EIF3G: variants seen among roughly 807,000 people sequenced by gnomAD.
EIF3G encodes eukaryotic translation initiation factor 3 subunit G.
In EIF3G, 10 loss-of-function variants were observed where a neutral mutation model predicts 41.7. That is an observed-to-expected ratio of 0.24 (90% CI 0.15 to 0.41). The LOEUF (loss-of-function observed/expected upper bound fraction) is 0.41. Ranked by LOEUF, EIF3G falls within the 10% of genes least tolerant of loss-of-function variation. EIF3G has a pLI of 1.00. For synonymous variants in EIF3G, 204 were observed against 172.5 expected (o/e 1.18, Z -1.43); for missense variants, 297 against 444.0 (o/e 0.67, Z 2.98).
At chr19:10,118,845 C>G in intron 4 of EIF3G, 23 bp downstream of exon 4, 1 of 1,611,522 alleles carries the variant, frequency 6.2e-7, no homozygotes, top group Non-Finnish European at 8.5e-7. Flanking sequence ...AGGGTCCCCA[C>G]TCCCTGCACC....
intron 8 of EIF3G, 28 bp from the exon 9 acceptor site, chr19:10,115,848 AG>A (rs751953776): frequency 3.7e-6 from 6 of 1,606,694 alleles, no homozygotes; most frequent in Non-Finnish European, 5.1e-6. Flanking sequence ...GGTGGCTGTG[AG>A]GGGGAGGACA....
intron 5 of EIF3G, 91 bp downstream of exon 5, chr19:10,118,577 A>C: frequency 2.2e-6 from 3 of 1,368,852 alleles, no homozygotes; most frequent in Non-Finnish European, 3.1e-6. Flanking sequence ...AAAAAAAAAA[A>C]AAAAAGAGTT....
In EIF3G at chr19:10,119,107, C is replaced by T. The variant is rs1240364317; in HGVS notation, c.132G>A (p.Glu44=). ...ACTCACCTCCCGGCAGTAGCTCTGG[C>T]TCTGGGCTGGTGTCACCTGTGGCCA... ...IPLATGDTSP[E]PELLPGAPLP... Residue 44 remains glutamate, a synonymous_variant, in exon 3 of 11, where the codon GAG becomes GAA. Transcript: ENST00000253108. 2 of 1,601,096 alleles carry T rather than the reference C, an allele frequency of 1.2e-6. No homozygotes were observed. The highest frequency in any genetic ancestry group is 1.7e-5 in the Admixed American group (1 of 57,898).
rs530986361 is a variant in EIF3G at position 10,115,628 on chromosome 19, C to T, written c.841-43G>A. On this transcript the variant is annotated intron_variant, in intron 9 of 10. Coordinates refer to ENST00000253108, the MANE Select transcript of EIF3G (RefSeq NM_003755.5). ...GGGGTCGGGCACGAGCTAGGACAGG[C>T]GACCCTAGGACAAGTGACCCTCACA... The T allele has an allele frequency of 7.3e-5, 117 of 1,611,754 alleles. 1 individual carries two copies. The South Asian group carries it at 1.1e-3, about 15-fold the overall frequency.
At chr19:10,119,258 A>G in intron 2 of EIF3G, 87 bp from the exon 3 acceptor site, 1 of 1,425,232 alleles carries the variant, frequency 7.0e-7, no homozygotes, top group South Asian at 1.2e-5. Context: ...GATGACGCCT[A>G]CAGCAAAAGC....
At chr19:10,119,492 G>A (rs755980877) in intron 2 of EIF3G, 162 bp downstream of exon 2, 9 of 928,878 alleles carry the variant, frequency 9.7e-6, no homozygotes, top group African/African-American at 1.6e-5. Context: ...GGACCCGCCG[G>A]GGAACACCTG....
chr19:10,115,203 T>TG lies in EIF3G; in HGVS notation c.948-75dup, dbSNP rs1599324152. ...GACCCCAGACACCCAAGTGGCATCT[T>TG]GGGGGTGGGTGGGCAGAGGACGGGG... On this transcript the variant is annotated intron_variant, in intron 10 of 10. Transcript: ENST00000253108. 2.6e-5 allele frequency: 40 copies of TG among 1,565,680 alleles called. 1 individual carries two copies. The South Asian group carries it at 4.6e-4, about 18-fold the overall frequency.
intron 5 of EIF3G, chr19:10,118,242 C>T (rs2089275846): frequency 1.0e-5 from 2 of 195,724 alleles, no homozygotes; most frequent in South Asian, 1.6e-4. Context: ...CACCCCAGGC[C>T]TCAGTTCAGC....
In EIF3G at chr19:10,115,969, C is replaced by T. The variant is rs1423685248; in HGVS notation, c.701G>A (p.Arg234Lys). Reference sequence around the variant, plus strand: ...CCTGGCGTCGGGGTGCCCCTCACCTCTGCGGTTGGGCTGCATGGACTCCCC... The same window carrying T: ...CCTGGCGTCGGGGTGCCCCTCACCTTTGCGGTTGGGCTGCATGGACTCCCC... ...RRGESMQPNR[R>K]ADDNATIRVT... The change falls in exon 8 of 11, where the codon AGA (arginine) becomes AAA (lysine). Residue 234 changes from arginine (R) to lysine (K), a missense_variant and splice_region_variant. Transcript: ENST00000253108. 1.2e-6 allele frequency: 2 copies of T among 1,613,292 alleles called. No homozygotes were observed. The highest frequency in any genetic ancestry group is 1.3e-5 in the African/African-American group (1 of 75,048).
At chr19:10,119,246 G>C in intron 2 of EIF3G, 75 bp from the exon 3 acceptor site, 1 of 1,471,458 alleles carries the variant, frequency 6.8e-7, no homozygotes, top group Non-Finnish European at 9.3e-7. Flanking sequence ...AAGGGCTTTT[G>C]GGATGACGCC....
rs1239944760 is a variant in EIF3G, at chr19:10,119,743, G to C, written c.21-43C>G. 4 of 1,612,962 alleles carry C rather than the reference G, an allele frequency of 2.5e-6. No homozygotes were observed. In the Admixed American group the frequency reaches 6.7e-5, roughly 27 times the overall value. The stretch of plus-strand genomic sequence containing the variant: ...TGGGGAACGAAGATTAAGTCAGCCA[G>C]GCCCGGCTCCCGCAGCCTCGGCGTA... On this transcript the variant is annotated intron_variant, in intron 1 of 10. Transcript: ENST00000253108.
intron 10 of EIF3G, 79 bp from the exon 11 acceptor site, chr19:10,115,208 G>A (rs577281526): frequency 8.9e-6 from 14 of 1,567,502 alleles, no homozygotes; most frequent in South Asian, 4.6e-5. Context: ...CATCTTGGGG[G>A]TGGGTGGGCA....
At position 10,115,465 on chromosome 19, in the gene EIF3G, G is replaced by C; in HGVS notation, c.947+14C>G. 1 of 1,598,476 alleles carries C rather than the reference G, an allele frequency of 6.3e-7. No individual in the cohort carries two copies. The highest frequency in any genetic ancestry group is 8.5e-7 in the Non-Finnish European group (1 of 1,170,484). ...AGGCAGGGAGCAGGGGCTGGGGCAG[G>C]GATGGAGTCTTACTTGGCCCACTCG... On this transcript the variant is annotated intron_variant, in intron 10 of 10. Coordinates refer to ENST00000253108, the MANE Select transcript of EIF3G (RefSeq NM_003755.5).
At chr19:10,119,020 G>A (rs942924436) in intron 3 of EIF3G, 64 bp from the exon 4 acceptor site, 12 of 1,612,604 alleles carry the variant, frequency 7.4e-6, no homozygotes, top group Non-Finnish European at 9.3e-6. Flanking sequence ...GAGCGGCAGG[G>A]CTGGAGGGAG....
chr19:10,115,800 G>A lies in EIF3G; in HGVS notation c.724C>T (p.Arg242Cys). ...NRRADDNATIRVTNLSEDTRE... is the reference protein window; with the variant it reads ...NRRADDNATICVTNLSEDTRE... ...GTGTCCTCTGACAAGTTGGTGACAC[G>A]GATGGTGGCGTTGTCGTCGGCTGTG... The change falls in exon 9 of 11, where the codon CGT becomes TGT. Residue 242 changes from arginine to cysteine, a missense_variant. Physicochemically the swap from Arg to Cys is radical, Grantham distance 180. Transcript: ENST00000253108. 1 of 1,613,516 alleles carries A rather than the reference G, an allele frequency of 6.2e-7. No homozygotes were observed. Among genetic ancestry groups the A allele is most frequent in the Non-Finnish European group, 8.5e-7 (1 of 1,179,974 alleles).
In EIF3G at chr19:10,117,299, C is replaced by T. The variant is rs973261671; in HGVS notation, c.301-111G>A. 9 of 718,098 alleles carry T rather than the reference C, an allele frequency of 1.3e-5. No individual in the cohort carries two copies. In the African/African-American group the frequency reaches 1.6e-4, roughly 13 times the overall value. The allele number at this position is 718,098 out of a possible 1,614,324, so 44.5% of individuals were successfully genotyped here. A position where few individuals can be genotyped will look rare whatever the true frequency, so the allele number is the denominator to read the frequency against. ...CCCCAGAGTGTCTGGGCCTCAAACC[C>T]CATCTTCATCCTCCTCAAGCACTCC... is the stretch of plus-strand genomic sequence containing the variant. On this transcript the variant is annotated intron_variant, in intron 5 of 10. Coordinates refer to ENST00000253108, the MANE Select transcript of EIF3G (RefSeq NM_003755.5).
chr19:10,119,766 G>C, intron 1 of EIF3G, 66 bp from the exon 2 acceptor site: 1 of 1,613,626 alleles, frequency 6.2e-7, no homozygotes, highest in Non-Finnish European at 8.5e-7. Context: ...CAGCCTCGGC[G>C]TACCCAGGCC....
chr19:10,118,737 G>C lies in EIF3G; in HGVS notation c.241-10C>G. On this transcript the variant is annotated splice_polypyrimidine_tract_variant and intron_variant, in intron 4 of 10. Coordinates refer to ENST00000253108, the MANE Select transcript of EIF3G (RefSeq NM_003755.5). ...TGAAGGTGCGGACAATCTGAGGATG[G>C]GAGGGGAGAAGGGTCAGGCTCCTGG... is the stretch of plus-strand genomic sequence containing the variant. The C allele has an allele frequency of 1.2e-6, 2 of 1,613,792 alleles. No homozygotes were observed. Among genetic ancestry groups the C allele is most frequent in the South Asian group, 1.1e-5 (1 of 91,060 alleles).
chr19:10,116,746 C>T lies in EIF3G; in HGVS notation c.595+54G>A, dbSNP rs1363785313. 1.3e-5 allele frequency: 19 copies of T among 1,498,176 alleles called. No homozygotes were observed. The highest frequency in any genetic ancestry group is 1.4e-5 in the Non-Finnish European group (16 of 1,117,598). 92.8% of individuals were successfully genotyped at this position (1,498,176 alleles called of 1,614,324 possible). On this transcript the variant is annotated intron_variant, in intron 7 of 10. Transcript: ENST00000253108. This position sits in a 1 kb window ranked among gnomAD's most constrained non-coding sequence, Gnocchi z 4.1. ...CGTGCGGGAGATGACAGCACGAAGG[C>T]AGCAGTGGGGACAGAACCCGTGCAC...
Sources: allele counts gnomAD v4.1 joint callset, GRCh38; gene constraint gnomAD v4.1.1; non-coding constraint Gnocchi (gnomAD v3.1); transcripts MANE v1.5; gene names NCBI Gene and HGNC (gene_info 2026-07-23, HGNC 2026-07-21).